NOL4L: variants seen among roughly 807,000 people sequenced by gnomAD.
NOL4L encodes the protein nucleolar protein 4-like.
A neutral mutation model predicts 64.5 loss-of-function variants in NOL4L; 7 were observed. The observed-to-expected ratio is 0.11, with a 90% CI of 0.06 to 0.20. The LOEUF (loss-of-function observed/expected upper bound fraction) is 0.20. Ranked by LOEUF, NOL4L falls within the 10% of genes least tolerant of loss-of-function variation. The pLI is 1.00. For synonymous variants in NOL4L, 413 were observed against 401.0 expected, an observed-to-expected ratio of 1.03 and a Z score of -0.36; for missense variants, 680 against 967.1, an observed-to-expected ratio of 0.70 and a Z score of 3.94.
chr20:32,486,111 C>T (rs1411140478), intron 4 of NOL4L, among the ~76,000 whole-genome samples: 1 of 152,232 alleles, frequency 6.6e-6, no homozygotes, highest in African/African-American at 2.4e-5. Flanking sequence ...TTGAGCGGCA[C>T]TGCAAATGAG....
chr20:32,575,809 G>C (rs533842116), intron 1 of NOL4L, among the ~76,000 whole-genome samples: 1 of 152,332 alleles, frequency 6.6e-6, no homozygotes, highest in Admixed American at 6.5e-5. Context: ...AGAGATGGGA[G>C]ATGGTCCAAG....
intron 5 of NOL4L, among the ~76,000 whole-genome samples, chr20:32,472,469 C>A (rs886489465): frequency 6.6e-6 from 1 of 152,186 alleles, no homozygotes; most frequent in African/African-American, 2.4e-5. Context: ...GCTGTCCCTG[C>A]CTAGTCCTGC....
chr20:32,577,750 G>A (rs1006963211), intron 1 of NOL4L, among the ~76,000 whole-genome samples: 1 of 152,186 alleles, frequency 6.6e-6, no homozygotes, highest in African/African-American at 2.4e-5. Flanking sequence ...GATAGTACTG[G>A]AGACACAGAA....
intron 1 of NOL4L, among the ~76,000 whole-genome samples, chr20:32,546,569 A>AG (rs1216835640): frequency 6.6e-6 from 1 of 152,130 alleles, no homozygotes; most frequent in East Asian, 1.9e-4. Context: ...CAGCCTCCCA[A>AG]GGGGATTACA....
chr20:32,512,358 C>G (rs1022664910), intron 3 of NOL4L, among the ~76,000 whole-genome samples: 4 of 152,176 alleles, frequency 2.6e-5, no homozygotes, highest in Admixed American at 6.5e-5. Context: ...CCCAATCCCG[C>G]CACCCCATAG....
intron 5 of NOL4L, among the ~76,000 whole-genome samples, chr20:32,465,519 G>A (rs540048036): frequency 3.9e-5 from 6 of 152,336 alleles, no homozygotes; most frequent in South Asian, 2.1e-4. Context: ...GTGTGTGGGT[G>A]TTCTCCCTGG....
chr20:32,471,948 T>A (rs1470145050), intron 5 of NOL4L, among the ~76,000 whole-genome samples: 1 of 152,204 alleles, frequency 6.6e-6, no homozygotes, highest in African/African-American at 2.4e-5. Context: ...CCTGTGGAAC[T>A]GTGAACCAAA....
intron 2 of NOL4L, 69 bp from the exon 3 acceptor site, chr20:32,520,991 A>C: frequency 2.0e-6 from 2 of 1,008,858 alleles, no homozygotes; most frequent in Non-Finnish European, 3.0e-6. Flanking sequence ...GGGGTCACCA[A>C]GGTCTGAGCT....
At chr20:32,478,186 A>AACC (rs1272651574) in intron 4 of NOL4L, among the ~76,000 whole-genome samples, 30 of 151,654 alleles carry the variant, frequency 2.0e-4, no homozygotes, top group African/African-American at 7.3e-4. Context: ...ATTCCTTAAC[A>AACC]ACCAAGTGTC....
Position 32,453,383 on chromosome 20 carries a change from T to C in NOL4L, c.1418A>G (p.Glu473Gly). 1 of 1,614,072 alleles carries C rather than the reference T, an allele frequency of 6.2e-7. No homozygotes were observed. Among genetic ancestry groups the C allele is most frequent in the Non-Finnish European group, 8.5e-7 (1 of 1,180,004 alleles). Residue 473 changes from glutamate to glycine, a missense_variant, in exon 8 of 11, where the codon GAG (glutamate) becomes GGG (glycine). By Grantham distance (98) the Glu-to-Gly change is moderately conservative. Coordinates refer to ENST00000621426, the MANE Select transcript of NOL4L (RefSeq NM_001256798.2). The surrounding 1 kb of genome is among the most constrained non-coding windows in gnomAD (Gnocchi z 5.6). The stretch of plus-strand genomic sequence containing the variant: ...GCGCTTGCGGGCCCGCTCCTGGAAC[T>C]CAGGGAACTGCCGGCTGCAGGACTC... ...IIESCSRQFPEFQERARKRIR... is the reference protein window; with the variant it reads ...IIESCSRQFPGFQERARKRIR...
intron 4 of NOL4L, chr20:32,475,478 G>A (rs1260077275): frequency 1.4e-5 from 4 of 293,372 alleles, no homozygotes; most frequent in African/African-American, 2.3e-5. Context: ...AGAGGACCAC[G>A]CCTGCCTCCT....
intron 4 of NOL4L, among the ~76,000 whole-genome samples, chr20:32,490,144 A>AAAAAAAAC (rs543768294): frequency 0.023 from 2,866 of 121,968 alleles, 351 homozygotes; most frequent in African/African-American, 0.068. Flanking sequence ...AAAAAAAAAA[A>AAAAAAAAC]ATATATATAC....
rs1156296897 is a variant in NOL4L at position 32,527,913 on chromosome 20, C to T, written c.322G>A (p.Gly108Arg). 6.5e-6 allele frequency: 10 copies of T among 1,549,960 alleles called. No homozygotes were observed. ...TCTGGCTCCGACAGGCCATCTGCCC[C>T]CTGCGACAGGGTGGACAAGCTGTGT... ...VVYVPVKTGS[G>R]ADGLSEPEGI... The change falls in exon 2 of 11, where the codon GGG (glycine) becomes AGG (arginine). Residue 108 changes from glycine to arginine, a missense_variant and splice_region_variant. Transcript: ENST00000621426.
At chr20:32,577,661 C>A (rs1980200379) in intron 1 of NOL4L, among the ~76,000 whole-genome samples, 1 of 152,062 alleles carries the variant, frequency 6.6e-6, no homozygotes, top group Non-Finnish European at 1.5e-5. Flanking sequence ...GCCTGGGCAA[C>A]AAAGCGATAA....
intron 1 of NOL4L, among the ~76,000 whole-genome samples, chr20:32,580,580 G>T (rs1980402809): frequency 6.6e-6 from 1 of 152,194 alleles, no homozygotes; most frequent in Non-Finnish European, 1.5e-5. Flanking sequence ...GCAAAAGCCT[G>T]GTTTTGAGAG....
At chr20:32,500,417 A>C (rs1317623266) in intron 4 of NOL4L, among the ~76,000 whole-genome samples, 1 of 149,904 alleles carries the variant, frequency 6.7e-6, no homozygotes, top group Admixed American at 6.7e-5. Context: ...GCAGTGGCAC[A>C]ATCTCGGCTC....
intron 5 of NOL4L, among the ~76,000 whole-genome samples, chr20:32,462,127 G>T (rs756001): frequency 6.6e-6 from 1 of 152,074 alleles, no homozygotes; most frequent in Non-Finnish European, 1.5e-5. Context: ...TGCTGGGCCC[G>T]TGGTGCAGGG....
At chr20:32,568,566 A>G (rs1014992955) in intron 1 of NOL4L, among the ~76,000 whole-genome samples, 8 of 151,952 alleles carry the variant, frequency 5.3e-5, no homozygotes, top group Non-Finnish European at 1.0e-4. Context: ...ACAACACTCA[A>G]TGGCTCCCAA....
At chr20:32,557,103 CA>C (rs1978703586) in intron 1 of NOL4L, among the ~76,000 whole-genome samples, 1 of 152,182 alleles carries the variant, frequency 6.6e-6, no homozygotes, top group Non-Finnish European at 1.5e-5. Flanking sequence ...TGGGTTGAAA[CA>C]ACGTTTGTGA....
Sources: gnomAD v4.1 joint callset for allele counts (sites outside exome capture counted in the v4.1 genomes callset) on GRCh38, gnomAD v4.1.1 for gene constraint, Gnocchi (gnomAD v3.1) non-coding constraint, MANE v1.5 for transcripts, NCBI Gene and HGNC (gene_info 2026-07-23, HGNC 2026-07-21) for gene names.